NUMB: variants seen among roughly 807,000 people sequenced by gnomAD.
NUMB encodes protein numb homolog.
Under a neutral mutation model 59.7 loss-of-function variants are expected in NUMB, and 29 were observed. That is an observed-to-expected ratio of 0.49 (90% confidence interval 0.36 to 0.66). NUMB has a LOEUF of 0.66. NUMB is among the 30% of genes least tolerant of loss of function. NUMB has a pLI of 0.00. For missense variants in NUMB, 723 were observed against 822.0 expected (o/e 0.88, Z 1.47); for synonymous variants, 288 against 288.2 (o/e 1.00, Z 0.01).
chr14:73,344,192 T>C (rs1213685205), intron 4 of NUMB, among the ~76,000 whole-genome samples: 1 of 152,222 alleles, frequency 6.6e-6, no homozygotes, highest in Non-Finnish European at 1.5e-5. Flanking sequence ...ATTTTGTGCA[T>C]CTTTGCTTTT....
intron 2 of NUMB, among the ~76,000 whole-genome samples, chr14:73,386,969 C>T (rs2140089853): frequency 7.0e-6 from 1 of 143,842 alleles, no homozygotes; most frequent in Admixed American, 7.3e-5. Flanking sequence ...CAAGCTCCGC[C>T]TCCCGGGTTC....
Position 73,436,709 on chromosome 14 carries a change from G to A in NUMB, c.-233+21784C>T, listed in dbSNP as rs185272131. Among the ~76,000 whole-genome samples, 642 of 152,018 alleles carry A rather than the reference G, an allele frequency of 4.2e-3. 3 individuals carry two copies. Among genetic ancestry groups the A allele is most frequent in the African/African-American group, 0.015 (605 of 41,512 alleles). ...CTTATAGAAACTCTTGGCCGGGCGCGGTGGCTCACACCTGTAATCCCAGCA... is the reference window on the plus strand; with the variant it reads ...CTTATAGAAACTCTTGGCCGGGCGCAGTGGCTCACACCTGTAATCCCAGCA... On this transcript the variant is annotated intron_variant, in intron 1 of 12. Transcript: ENST00000555238.
At chr14:73,371,588 T>C (rs1017995586) in intron 2 of NUMB, among the ~76,000 whole-genome samples, 5 of 152,058 alleles carry the variant, frequency 3.3e-5, no homozygotes, top group African/African-American at 1.2e-4. Flanking sequence ...TGTTCTTAGT[T>C]ATGTGTGTTA....
chr14:73,388,791 C>A (rs1895680881), intron 2 of NUMB, among the ~76,000 whole-genome samples: 1 of 151,930 alleles, frequency 6.6e-6, no homozygotes, highest in South Asian at 2.1e-4. Flanking sequence ...ATAGTGAAAG[C>A]CCGTCTCTAA....
Position 73,378,805 on chromosome 14 carries a change from T to C in NUMB, c.-100-11824A>G, listed in dbSNP as rs1369856838. Among the ~76,000 whole-genome samples the C allele has an allele frequency of 1.2e-4, 18 of 152,162 alleles. 1 individual carries two copies. Among genetic ancestry groups the C allele is most frequent in the Admixed American group, 1.2e-3 (18 of 15,262 alleles). On this transcript the variant is annotated intron_variant, in intron 2 of 12. Coordinates refer to ENST00000555238, the MANE Select transcript of NUMB (RefSeq NM_001005743.2). ...TTTTTAGGGCAGTGAAATTATTCTG[T>C]ACTATACTATAATGGCAGACCATGT...
intron 4 of NUMB, among the ~76,000 whole-genome samples, chr14:73,347,813 C>G (rs1220699967): frequency 6.6e-6 from 1 of 152,154 alleles, no homozygotes; most frequent in Admixed American, 6.5e-5. Context: ...AAGGTTTGTT[C>G]TAGGCCATCT....
intron 1 of NUMB, among the ~76,000 whole-genome samples, chr14:73,449,199 A>G (rs1434941681): frequency 6.6e-6 from 1 of 152,166 alleles, no homozygotes; most frequent in African/African-American, 2.4e-5. Flanking sequence ...TAATTAATCT[A>G]GAGAAATAAT....
At chr14:73,368,028 GT>G (rs1023698943) in intron 2 of NUMB, among the ~76,000 whole-genome samples, 1 of 147,136 alleles carries the variant, frequency 6.8e-6, no homozygotes, top group Non-Finnish European at 1.5e-5. Context: ...GCAAACAGTA[GT>G]TTCTGCAAAG....
At chr14:73,330,011 G>A (rs1241704289) in intron 4 of NUMB, among the ~76,000 whole-genome samples, 1 of 151,996 alleles carries the variant, frequency 6.6e-6, no homozygotes, top group Non-Finnish European at 1.5e-5. Flanking sequence ...AATACCTCAG[G>A]TCTCAACAGC....
intron 2 of NUMB, among the ~76,000 whole-genome samples, chr14:73,385,192 C>T (rs1379431126): frequency 6.6e-6 from 1 of 151,616 alleles, no homozygotes; most frequent in Non-Finnish European, 1.5e-5. Context: ...GAGACAGGGT[C>T]TCACTTGGTC....
intron 7 of NUMB, among the ~76,000 whole-genome samples, chr14:73,293,734 A>G (rs177369): frequency 0.075 from 11,488 of 152,188 alleles, 1,044 homozygotes; most frequent in African/African-American, 0.21. Flanking sequence ...CAAGATTTCT[A>G]TCTCTTCATT....
chr14:73,414,384 C>T (rs1201143720), intron 1 of NUMB, among the ~76,000 whole-genome samples: 1 of 152,172 alleles, frequency 6.6e-6, no homozygotes, highest in Non-Finnish European at 1.5e-5. Flanking sequence ...CATCTACTTT[C>T]AGATAATGTT....
chr14:73,329,462 T>C (rs1247734963), intron 4 of NUMB, among the ~76,000 whole-genome samples: 1 of 152,176 alleles, frequency 6.6e-6, no homozygotes, highest in African/African-American at 2.4e-5. Flanking sequence ...CCCTTCTCAG[T>C]CCTCTTCTCT....
At chr14:73,395,413 A>G (rs989777392) in intron 2 of NUMB, among the ~76,000 whole-genome samples, 15 of 152,052 alleles carry the variant, frequency 9.9e-5, no homozygotes, top group Admixed American at 9.2e-4. Context: ...GGTTGAGCCC[A>G]GGAGTTTGAG....
At chr14:73,307,984 C>T (rs532094842) in intron 6 of NUMB, among the ~76,000 whole-genome samples, 22 of 152,078 alleles carry the variant, frequency 1.4e-4, no homozygotes, top group African/African-American at 4.8e-4. Context: ...CCGCCCGCCT[C>T]GTCCTCCCAA....
chr14:73,388,038 T>G (rs949162963), intron 2 of NUMB, among the ~76,000 whole-genome samples: 2 of 150,830 alleles, frequency 1.3e-5, no homozygotes, highest in Non-Finnish European at 2.9e-5. Flanking sequence ...GACCAGGAGG[T>G]CAAGGCTGCA....
At chr14:73,381,853 A>T (rs1294516252) in intron 2 of NUMB, among the ~76,000 whole-genome samples, 2 of 152,118 alleles carry the variant, frequency 1.3e-5, no homozygotes, top group Admixed American at 6.5e-5. Flanking sequence ...AAACAAATAA[A>T]TAATGCAAGT....
chr14:73,387,588 C>G (rs1594976488), intron 2 of NUMB, among the ~76,000 whole-genome samples: 1 of 152,026 alleles, frequency 6.6e-6, no homozygotes, highest in South Asian at 2.1e-4. Flanking sequence ...TGAGGCCTCC[C>G]CAGCCATGCT....
intron 4 of NUMB, among the ~76,000 whole-genome samples, chr14:73,330,218 G>T (rs2099497832): frequency 6.6e-6 from 1 of 152,016 alleles, no homozygotes; most frequent in Non-Finnish European, 1.5e-5. Flanking sequence ...TTTTTGTAGA[G>T]ATGGGGTTTT....
Sources: allele counts gnomAD v4.1 joint callset (sites outside exome capture counted in the v4.1 genomes callset), GRCh38; gene constraint gnomAD v4.1.1; transcripts MANE v1.5; gene names NCBI Gene and HGNC (gene_info 2026-07-23, HGNC 2026-07-21).